ABR: variants seen among roughly 807,000 people sequenced by gnomAD.
The protein encoded by ABR is active breakpoint cluster region-related protein.
ABR carries 35 observed loss-of-function variants against 107.2 expected under a neutral mutation model. The ratio of observed to expected loss-of-function variants is 0.33; its 90% CI spans 0.25 to 0.43. The LOEUF (loss-of-function observed/expected upper bound fraction) is 0.43, where lower values mean the gene tolerates loss of function less well. ABR is among the 20% of genes least tolerant of loss of function. The probability of loss-of-function intolerance (pLI) is 1.00; values close to 1 mark genes in which losing one functional copy is unlikely to be tolerated. For synonymous variants in ABR, 498 were observed against 462.0 expected (o/e 1.08, Z -1.00); for missense variants, 815 against 1,115.2 (o/e 0.73, Z 3.83).
chr17:1,173,546 G>A (rs919918080), intron 1 of ABR, among the ~76,000 whole-genome samples: 3 of 152,012 alleles, frequency 2.0e-5, no homozygotes, highest in East Asian at 3.9e-4. Flanking sequence ...TGGCAAAAGC[G>A]CGAGACTCCC....
chr17:1,046,193 ACGGGGTT>A (rs1303996974), intron 16 of ABR, among the ~76,000 whole-genome samples: 1 of 142,754 alleles, frequency 7.0e-6, no homozygotes, highest in Non-Finnish European at 1.6e-5. Context: ...TCTAGTAGAG[ACGGGGTT>A]TCGCCATGTT....
chr17:1,016,143 G>A (rs1406256105), intron 16 of ABR, among the ~76,000 whole-genome samples: 1 of 152,098 alleles, frequency 6.6e-6, no homozygotes, highest in African/African-American at 2.4e-5. Context: ...CATGCTATCC[G>A]CCTTAAATCG....
At chr17:1,162,329 C>A (rs933869629) in intron 1 of ABR, among the ~76,000 whole-genome samples, 1 of 152,214 alleles carries the variant, frequency 6.6e-6, no homozygotes. Context: ...AGGAGAGACT[C>A]GGCAAGAACA....
intron 1 of ABR, among the ~76,000 whole-genome samples, chr17:1,144,168 T>C (rs1032313474): frequency 1.3e-5 from 2 of 152,126 alleles, no homozygotes; most frequent in Non-Finnish European, 2.9e-5. Context: ...CTCATCTCTC[T>C]GTAGGAAAGA....
intron 5 of ABR, among the ~76,000 whole-genome samples, chr17:1,082,732 A>G (rs1236152360): frequency 6.6e-6 from 1 of 152,144 alleles, no homozygotes; most frequent in Non-Finnish European, 1.5e-5. Flanking sequence ...CAAATATAGA[A>G]TCTTGGGCCC....
rs1420655762 is a variant in ABR at position 1,150,071 on chromosome 17, T to C, written c.62-24704A>G. ...GTCACTGCTGTTGTCCCTGTTGTTA[T>C]GATTTCTCCCCATAGTCCCGGCCTG... On this transcript the variant is annotated intron_variant, in intron 1 of 22. Coordinates refer to ENST00000302538, the MANE Select transcript of ABR (RefSeq NM_021962.5). This position sits in a 1 kb window ranked among gnomAD's most constrained non-coding sequence, Gnocchi z 4.8. Among the ~76,000 whole-genome samples the C allele has an allele frequency of 1.3e-5, 2 of 152,154 alleles. No homozygotes were observed. The highest frequency in any genetic ancestry group is 2.9e-5 in the Non-Finnish European group (2 of 68,022).
At chr17:1,109,721 C>G (rs1175081978) in intron 2 of ABR, among the ~76,000 whole-genome samples, 1 of 152,086 alleles carries the variant, frequency 6.6e-6, no homozygotes, top group Non-Finnish European at 1.5e-5. Flanking sequence ...AGCCGCGTCC[C>G]GCCGCCGCTG....
chr17:1,080,028 G>A (rs184636153), intron 5 of ABR, among the ~76,000 whole-genome samples: 66 of 152,078 alleles, frequency 4.3e-4, no homozygotes, highest in South Asian at 3.5e-3. Flanking sequence ...CCTACACGTC[G>A]GCCAAGGGCA....
chr17:1,187,896 A>AAAAT (rs1057421326), upstream of ABR, among the ~76,000 whole-genome samples: 4 of 151,076 alleles, frequency 2.6e-5, no homozygotes, highest in East Asian at 2.0e-4. Context: ...GCTCCCTCTC[A>AAAAT]AAATAAATAA....
intron 1 of ABR, among the ~76,000 whole-genome samples, chr17:1,149,496 C>T (rs551964373): frequency 6.6e-6 from 1 of 150,856 alleles, no homozygotes; most frequent in Admixed American, 6.6e-5. Context: ...GTGATCTCAG[C>T]AACTTCCACC....
chr17:1,029,012 C>A (rs2072479890), intron 16 of ABR, among the ~76,000 whole-genome samples: 1 of 151,890 alleles, frequency 6.6e-6, no homozygotes, highest in Non-Finnish European at 1.5e-5. Flanking sequence ...CAGCCCCTTC[C>A]CATCCAAAGC....
chr17:1,090,871 C>T (rs1015891200), intron 4 of ABR, among the ~76,000 whole-genome samples: 7 of 152,180 alleles, frequency 4.6e-5, no homozygotes, highest in Non-Finnish European at 8.8e-5. Context: ...GGCGGTCAGA[C>T]GTTACGTAGC....
rs2042046761 is a variant in ABR at position 1,179,546 on chromosome 17, C to G, written c.61+121G>C. The G allele has an allele frequency of 8.9e-7, 1 of 1,119,810 alleles. No individual in the cohort carries two copies. Among genetic ancestry groups the G allele is most frequent in the Non-Finnish European group, 1.2e-6 (1 of 844,194 alleles). The allele number at this position is 1,119,810 out of a possible 1,614,324, so 69.4% of individuals were successfully genotyped here. The stretch of plus-strand genomic sequence containing the variant: ...TCGCCCCCGCCCGCGCTCCCCGGAC[C>G]AGCCCGGTGCCTGGGTCCCGATCCC... On this transcript the variant is annotated intron_variant, in intron 1 of 22. Coordinates refer to ENST00000302538, the MANE Select transcript of ABR (RefSeq NM_021962.5). The surrounding 1 kb of genome is among the most constrained non-coding windows in gnomAD (Gnocchi z 4.9).
chr17:1,227,195 T>A (rs964735533), intron 1 of ABR, among the ~76,000 whole-genome samples: 1 of 152,174 alleles, frequency 6.6e-6, no homozygotes, highest in African/African-American at 2.4e-5. Flanking sequence ...AGGTGCCCTA[T>A]GTGCTAGAGT....
At chr17:1,144,574 TTCAG>T (rs974455485) in intron 1 of ABR, among the ~76,000 whole-genome samples, 1 of 146,380 alleles carries the variant, frequency 6.8e-6, no homozygotes, top group South Asian at 2.2e-4. Context: ...CAATAACGCG[TTCAG>T]TCAATCAGGC....
At chr17:1,146,905 CTGCCACCAT>C (rs1188809325) in intron 1 of ABR, among the ~76,000 whole-genome samples, 3,128 of 145,010 alleles carry the variant, frequency 0.022, 115 homozygotes, top group African/African-American at 0.078. Context: ...ACTGCCACCA[CTGCCACCAT>C]GACACCACTG....
intron 3 of ABR, among the ~76,000 whole-genome samples, chr17:1,097,247 C>T (rs2037529453): frequency 6.6e-6 from 1 of 152,164 alleles, no homozygotes; most frequent in Non-Finnish European, 1.5e-5. Context: ...TGTCTCCTCT[C>T]CCAGCAATAG....
In ABR at chr17:1,051,759, G is replaced by C. The variant is rs2032559162; in HGVS notation, c.1562-1125C>G. Reference sequence around the variant, plus strand: ...TCCACTTAGCCCCTGCAGCTGCCCAGCTGGGCCATTCTCCATCAGAACAGC... The same window carrying C: ...TCCACTTAGCCCCTGCAGCTGCCCACCTGGGCCATTCTCCATCAGAACAGC... On this transcript the variant is annotated intron_variant, in intron 14 of 22. Transcript: ENST00000302538. The surrounding 1 kb of genome is among the most constrained non-coding windows in gnomAD (Gnocchi z 4.3). Among the ~76,000 whole-genome samples, 1 of 152,204 alleles carries C rather than the reference G, an allele frequency of 6.6e-6. No individual in the cohort carries two copies. The highest frequency in any genetic ancestry group is 2.4e-5 in the African/African-American group (1 of 41,452).
chr17:1,123,693 C>G (rs796080512), intron 2 of ABR, among the ~76,000 whole-genome samples: 5 of 152,134 alleles, frequency 3.3e-5, no homozygotes, highest in East Asian at 1.9e-4. Context: ...TGAGTCCCCC[C>G]GGGCGGGGCT....
Sources: gnomAD v4.1 joint callset for allele counts (sites outside exome capture counted in the v4.1 genomes callset) on GRCh38, gnomAD v4.1.1 for gene constraint, Gnocchi (gnomAD v3.1) non-coding constraint, MANE v1.5 for transcripts, NCBI Gene and HGNC (gene_info 2026-07-23, HGNC 2026-07-21) for gene names.